Variants in DPP6 observed in about 807,000 individuals in gnomAD.
DPP6 encodes the protein A-type potassium channel modulatory protein DPP6.
Under a neutral mutation model 122.6 loss-of-function variants are expected in DPP6, and 69 were observed. That is an observed-to-expected ratio of 0.56 (90% CI 0.46 to 0.69). The LOEUF (loss-of-function observed/expected upper bound fraction) is 0.69. DPP6 is among the 30% of genes least tolerant of loss of function. The pLI is 0.00. For synonymous variants in DPP6, 418 were observed against 433.1 expected (o/e 0.97, Z 0.43); for missense variants, 928 against 1,116.9 (o/e 0.83, Z 2.41).
At chr7:154,493,983 A>G (rs774716305) in intron 3 of DPP6, among the ~76,000 whole-genome samples, 2 of 152,226 alleles carry the variant, frequency 1.3e-5, no homozygotes, top group Non-Finnish European at 2.9e-5. Context: ...ACCATCTGAT[A>G]GTTCTTATCT....
At chr7:154,427,253 A>G (rs1037165945) in intron 1 of DPP6, among the ~76,000 whole-genome samples, 6 of 152,222 alleles carry the variant, frequency 3.9e-5, no homozygotes, top group African/African-American at 1.4e-4. Context: ...TTTTGTATTC[A>G]CAAAATAGTT....
At chr7:154,265,174 GATGATA>G (rs879922529) in intron 1 of DPP6, among the ~76,000 whole-genome samples, 221 of 152,126 alleles carry the variant, frequency 1.5e-3, no homozygotes, top group Admixed American at 2.5e-3. Context: ...TAATGATGGT[GATGATA>G]ATGATAGTGA....
chr7:154,349,857 A>C (rs1389942433), intron 1 of DPP6, among the ~76,000 whole-genome samples: 1 of 152,204 alleles, frequency 6.6e-6, no homozygotes, highest in Non-Finnish European at 1.5e-5. Flanking sequence ...CATTTTAGTC[A>C]GTTATTCTAG....
chr7:154,393,337 C>T (rs552320301), intron 1 of DPP6, among the ~76,000 whole-genome samples: 110 of 152,322 alleles, frequency 7.2e-4, no homozygotes, highest in African/African-American at 2.5e-3. Context: ...TGTATAGTAG[C>T]ATTGCCTTGG....
intron 3 of DPP6, among the ~76,000 whole-genome samples, chr7:154,535,331 C>CTA (rs36063940): frequency 0.15 from 22,233 of 151,088 alleles, 2,121 homozygotes; most frequent in African/African-American, 0.28. Context: ...TCTCAGGACA[C>CTA]TAAAAATATG....
chr7:154,808,371 G>C (rs11976333), intron 16 of DPP6, among the ~76,000 whole-genome samples: 2 of 152,156 alleles, frequency 1.3e-5, no homozygotes, highest in African/African-American at 4.8e-5. Flanking sequence ...AGACAGCAAG[G>C]AGACCACGGA....
intron 1 of DPP6, among the ~76,000 whole-genome samples, chr7:154,383,907 A>AAAC (rs386411729): frequency 1.3e-5 from 2 of 151,332 alleles, no homozygotes; most frequent in Non-Finnish European, 3.0e-5. Flanking sequence ...AAAAAAAAAA[A>AAAC]AGTGTTAATG....
At chr7:154,846,810 A>C (rs1180886657) in intron 16 of DPP6, among the ~76,000 whole-genome samples, 2 of 152,194 alleles carry the variant, frequency 1.3e-5, no homozygotes, top group Non-Finnish European at 2.9e-5. Flanking sequence ...AACTTTTAAA[A>C]ATTATTTACA....
At chr7:154,656,194 G>C (rs1054467441) in intron 6 of DPP6, among the ~76,000 whole-genome samples, 1 of 141,764 alleles carries the variant, frequency 7.1e-6, no homozygotes, top group Admixed American at 7.1e-5. Flanking sequence ...TGGGAGAAGG[G>C]GCAGTCGAGA....
At position 154,060,302 on chromosome 7, in the gene DPP6, C is replaced by A. The variant is rs868616924; in HGVS notation, c.243+7239C>A. ...ACTGAGAGGCAATCCCTCTTCCCCC[C>A]CTGGCTCTTAGGACCCCCATCGCAG... On this transcript the variant is annotated intron_variant, in intron 1 of 25. Coordinates refer to ENST00000377770, the MANE Select transcript of DPP6 (RefSeq NM_130797.4). 6.2e-4 allele frequency among the ~76,000 whole-genome samples: 82 copies of A among 133,242 alleles called. 1 individual carries two copies. Among genetic ancestry groups the A allele is most frequent in the African/African-American group, 1.6e-3 (56 of 35,290 alleles). The allele number at this position is 133,242 out of a possible 152,430, so 87.4% of individuals were successfully genotyped here. A position where few individuals can be genotyped will look rare whatever the true frequency, so the allele number is the denominator to read the frequency against.
intron 1 of DPP6, among the ~76,000 whole-genome samples, chr7:153,951,631 C>T (rs1802217917): frequency 6.6e-6 from 1 of 152,172 alleles, no homozygotes; most frequent in South Asian, 2.1e-4. Context: ...AATTTACAGG[C>T]GTGGTGAGAT....
At chr7:154,768,020 C>G (rs772930066) in intron 8 of DPP6, among the ~76,000 whole-genome samples, 1 of 152,216 alleles carries the variant, frequency 6.6e-6, no homozygotes, top group African/African-American at 2.4e-5. Flanking sequence ...CAGGGAGGGG[C>G]AGGGCATGCA....
chr7:154,640,363 G>A (rs1835996620), intron 6 of DPP6, among the ~76,000 whole-genome samples: 3 of 152,116 alleles, frequency 2.0e-5, no homozygotes, highest in Admixed American at 2.0e-4. Flanking sequence ...CTCTTCCTAG[G>A]GTTCTTATAG....
intron 1 of DPP6, among the ~76,000 whole-genome samples, chr7:154,191,344 AG>A: frequency 6.6e-6 from 1 of 152,370 alleles, no homozygotes; most frequent in East Asian, 1.9e-4. Context: ...AGACTTATTA[AG>A]GTATCTTGAG....
intron 3 of DPP6, among the ~76,000 whole-genome samples, chr7:154,534,061 G>A (rs1229870698): frequency 6.6e-6 from 1 of 151,778 alleles, no homozygotes; most frequent in Non-Finnish European, 1.5e-5. Flanking sequence ...GTTTATCTTA[G>A]GAATGCAAAG....
At chr7:154,254,447 T>C (rs1025629155) in intron 1 of DPP6, among the ~76,000 whole-genome samples, 5 of 152,234 alleles carry the variant, frequency 3.3e-5, no homozygotes, top group African/African-American at 1.2e-4. Flanking sequence ...GCATGTGTCA[T>C]AGCCCATCAT....
chr7:153,868,893 T>C, the DPP6 span, among the ~76,000 whole-genome samples: 1 of 152,118 alleles, frequency 6.6e-6, no homozygotes, highest in Non-Finnish European at 1.5e-5. Context: ...TTATTTCTGC[T>C]TTCATTTCGT....
chr7:154,216,015 T>G (rs1302460582), intron 1 of DPP6, among the ~76,000 whole-genome samples: 1 of 152,144 alleles, frequency 6.6e-6, no homozygotes, highest in Admixed American at 6.5e-5. Context: ...AGCTGCATTC[T>G]GGTCGGTCCT....
the DPP6 span, among the ~76,000 whole-genome samples, chr7:153,753,937 G>A: frequency 1.3e-5 from 2 of 152,196 alleles, no homozygotes; most frequent in Non-Finnish European, 2.9e-5. Flanking sequence ...TTACTAAAAT[G>A]TTGGTGTTTC....
Sources: allele counts gnomAD v4.1 joint callset (sites outside exome capture counted in the v4.1 genomes callset), GRCh38; gene constraint gnomAD v4.1.1; transcripts MANE v1.5; gene names NCBI Gene and HGNC (gene_info 2026-07-23, HGNC 2026-07-21).